ZBTB20: variants seen among roughly 807,000 people sequenced by gnomAD.
ZBTB20 encodes the protein zinc finger and BTB domain-containing protein 20.
ZBTB20 carries 9 observed loss-of-function variants against 56.9 expected under a neutral mutation model. The ratio of observed to expected loss-of-function variants is 0.16; its 90% CI spans 0.10 to 0.28. The LOEUF (loss-of-function observed/expected upper bound fraction) is 0.28, where lower values mean the gene tolerates loss of function less well. Ranked by LOEUF, ZBTB20 falls within the 10% of genes least tolerant of loss-of-function variation. The pLI is 1.00. For synonymous variants in ZBTB20, 417 were observed against 420.7 expected, an observed-to-expected ratio of 0.99 and a Z score of 0.11; for missense variants, 655 against 1,003.0, an observed-to-expected ratio of 0.65 and a Z score of 4.69.
At chr3:114,563,496 A>G (rs902267499) in intron 6 of ZBTB20, among the ~76,000 whole-genome samples, 2 of 152,198 alleles carry the variant, frequency 1.3e-5, no homozygotes, top group Admixed American at 6.5e-5. Flanking sequence ...TGAAATTGCC[A>G]TTTCTGTAGC....
intron 7 of ZBTB20, among the ~76,000 whole-genome samples, chr3:114,490,702 A>G (rs538782239): frequency 6.6e-6 from 1 of 152,318 alleles, no homozygotes; most frequent in Admixed American, 6.5e-5. Context: ...AGATGATCTA[A>G]TTGTTTCTAA....
intron 3 of ZBTB20, among the ~76,000 whole-genome samples, chr3:114,937,127 A>G (rs898333889): frequency 6.6e-6 from 1 of 152,214 alleles, no homozygotes; most frequent in African/African-American, 2.4e-5. Flanking sequence ...CTTTGGGTAT[A>G]TAGCCAGTAA....
intron 4 of ZBTB20, among the ~76,000 whole-genome samples, chr3:114,845,949 C>G (rs1415037667): frequency 1.3e-5 from 2 of 152,000 alleles, no homozygotes; most frequent in Non-Finnish European, 2.9e-5. Context: ...TTGAGGACTT[C>G]CAGGTATGTG....
chr3:114,515,498 G>A (rs2045879571), intron 6 of ZBTB20, among the ~76,000 whole-genome samples: 2 of 152,276 alleles, frequency 1.3e-5, no homozygotes, highest in Non-Finnish European at 2.9e-5. Context: ...GCATAAGTTC[G>A]AATTTCAGAA....
chr3:114,480,479 C>T (rs2041407402), intron 7 of ZBTB20, among the ~76,000 whole-genome samples: 1 of 152,122 alleles, frequency 6.6e-6, no homozygotes, highest in Non-Finnish European at 1.5e-5. Flanking sequence ...TTATGAATGT[C>T]CTATTAAGCC....
At chr3:114,904,761 A>G (rs2075258736) in intron 3 of ZBTB20, among the ~76,000 whole-genome samples, 1 of 151,910 alleles carries the variant, frequency 6.6e-6, no homozygotes, top group Non-Finnish European at 1.5e-5. Flanking sequence ...CTATCTGCCT[A>G]TAAGAAAGAG....
intron 6 of ZBTB20, among the ~76,000 whole-genome samples, chr3:114,693,047 T>C (rs764604797): frequency 3.3e-5 from 5 of 152,160 alleles, no homozygotes; most frequent in Non-Finnish European, 5.9e-5. Context: ...AGAATACTAA[T>C]GGGTAGTTCA....
intron 6 of ZBTB20, among the ~76,000 whole-genome samples, chr3:114,526,938 T>A (rs1034567837): frequency 3.3e-5 from 5 of 152,150 alleles, no homozygotes; most frequent in African/African-American, 1.2e-4. Flanking sequence ...CTCCTCCAGA[T>A]CTTTTTTCAA....
chr3:115,009,950 T>C (rs1288060180), intron 2 of ZBTB20, among the ~76,000 whole-genome samples: 1 of 151,886 alleles, frequency 6.6e-6, no homozygotes, highest in Non-Finnish European at 1.5e-5. Context: ...ACTAAGACAG[T>C]ATTATGTATT....
intron 2 of ZBTB20, among the ~76,000 whole-genome samples, chr3:115,013,926 G>GTA (rs942860637): frequency 4.6e-5 from 7 of 151,514 alleles, no homozygotes; most frequent in African/African-American, 1.5e-4. Flanking sequence ...GTGTGTGTGT[G>GTA]TGTGTGTACA....
At position 114,317,650 on chromosome 3, in the gene ZBTB20, C is replaced by T. The variant is rs1483324450; in HGVS notation, c.*21355G>A. On this transcript the variant is annotated 3_prime_UTR_variant, in exon 12 of 12. Transcript: ENST00000675478. ...CAAAAGTTACTTCTCAAACGATGCC[C>T]AAATCTTCCACTAACACATCAACCT... 6.6e-6 allele frequency: 1 copy of T among 152,046 alleles called. No homozygotes were observed. The highest frequency in any genetic ancestry group is 1.5e-5 in the Non-Finnish European group (1 of 68,012). The allele number at this position is 152,046 out of a possible 1,614,324, so 9.4% of individuals were successfully genotyped here.
chr3:115,051,582 T>G (rs1260768188), intron 2 of ZBTB20, among the ~76,000 whole-genome samples: 2 of 152,182 alleles, frequency 1.3e-5, no homozygotes, highest in Non-Finnish European at 2.9e-5. Context: ...GTTACAGTAA[T>G]ACCTTCAAAA....
At chr3:114,946,100 T>C (rs2076878977) in intron 3 of ZBTB20, among the ~76,000 whole-genome samples, 3 of 145,618 alleles carry the variant, frequency 2.1e-5, no homozygotes, top group Non-Finnish European at 4.4e-5. Context: ...CAGTAAATGA[T>C]AGAACTTGGT....
At chr3:114,920,663 C>T (rs2075922648) in intron 3 of ZBTB20, among the ~76,000 whole-genome samples, 1 of 151,694 alleles carries the variant, frequency 6.6e-6, no homozygotes, top group African/African-American at 2.4e-5. Flanking sequence ...GAAGAAAAAT[C>T]TCAAACAACT....
chr3:114,761,833 C>CA lies in ZBTB20; in HGVS notation c.-343+39267dup, dbSNP rs369501604. Among the ~76,000 whole-genome samples, 643 of 124,130 alleles carry CA rather than the reference C, an allele frequency of 5.2e-3. 25 individuals carry two copies. In the East Asian group the frequency reaches 0.11, roughly 21 times the overall value. 81.4% of individuals were successfully genotyped at this position (124,130 alleles called of 152,430 possible). A position where few individuals can be genotyped will look rare whatever the true frequency, so the allele number is the denominator to read the frequency against. Reference sequence around the variant, plus strand: ...TGGGTGACAGAGCCAGACTCCATCTCAAAAAAAAAGAAAAAAAAAAAAGAA... The same window carrying CA: ...TGGGTGACAGAGCCAGACTCCATCTCAAAAAAAAAAGAAAAAAAAAAAAGAA... On this transcript the variant is annotated intron_variant, in intron 5 of 11. Transcript: ENST00000675478.
chr3:114,903,909 T>C (rs2075223954), intron 3 of ZBTB20, among the ~76,000 whole-genome samples: 2 of 152,210 alleles, frequency 1.3e-5, no homozygotes, highest in Middle Eastern at 3.4e-3. Flanking sequence ...AGTCAGTTTT[T>C]TTCTTATGGC....
At chr3:114,597,789 T>C (rs2056443738) in intron 6 of ZBTB20, among the ~76,000 whole-genome samples, 1 of 152,300 alleles carries the variant, frequency 6.6e-6, no homozygotes, top group Non-Finnish European at 1.5e-5. Flanking sequence ...AGCAGGTATA[T>C]ACTTGGAGAA....
intron 6 of ZBTB20, among the ~76,000 whole-genome samples, chr3:114,564,697 G>A (rs906878204): frequency 3.3e-5 from 5 of 152,142 alleles, no homozygotes; most frequent in African/African-American, 9.7e-5. Context: ...AGTACAGTAA[G>A]TGCTTTCTGC....
At chr3:114,556,373 G>A (rs985225042) in intron 6 of ZBTB20, among the ~76,000 whole-genome samples, 2 of 151,868 alleles carry the variant, frequency 1.3e-5, no homozygotes, top group African/African-American at 4.8e-5. Context: ...TTACATCTCA[G>A]TAAATGCTCT....
Sources: allele counts gnomAD v4.1 joint callset (sites outside exome capture counted in the v4.1 genomes callset), GRCh38; gene constraint gnomAD v4.1.1; transcripts MANE v1.5; gene names NCBI Gene and HGNC (gene_info 2026-07-23, HGNC 2026-07-21).